The following GSE1 variants were observed in gnomAD, a reference collection of about 807,000 sequenced individuals.
The protein encoded by GSE1 is Gse1 coiled-coil protein, also known as genetic suppressor element 1.
In GSE1, 32 loss-of-function variants were observed where a neutral mutation model predicts 112.6. That is an observed-to-expected ratio of 0.28 (90% CI 0.21 to 0.38). GSE1 has a LOEUF of 0.38. Among genes scored for constraint, GSE1 ranks in the 10% least tolerant of loss-of-function variants. The probability of loss-of-function intolerance (pLI) is 1.00; values close to 1 mark genes in which losing one functional copy is unlikely to be tolerated. For missense variants in GSE1, 2,348 were observed against 1,699.2 expected, an observed-to-expected ratio of 1.38 and a Z score of -6.71; for synonymous variants, 1,115 against 735.6, an observed-to-expected ratio of 1.52 and a Z score of -8.35.
At chr16:85,478,927 C>CTTTCTTTCTTTTCTTTCTT (rs1285190496) in intron 2 of GSE1, among the ~76,000 whole-genome samples, 9 of 28,046 alleles carry the variant, frequency 3.2e-4, no homozygotes, top group African/African-American at 1.2e-3. Context: ...TTCTTTCTTT[C>CTTTCTTTCTTTTCTTTCTT]TCTTTCTTTC....
At chr16:85,260,217 G>C (rs1261015386) in intron 1 of GSE1, among the ~76,000 whole-genome samples, 2 of 152,048 alleles carry the variant, frequency 1.3e-5, no homozygotes, top group Non-Finnish European at 2.9e-5. Context: ...TGACAGTCTA[G>C]TTGCCTCTGG....
intron 1 of GSE1, among the ~76,000 whole-genome samples, chr16:85,245,356 C>T (rs1290753006): frequency 3.3e-5 from 5 of 152,152 alleles, no homozygotes; most frequent in Admixed American, 6.5e-5. Flanking sequence ...GACTTTCTGC[C>T]GGGAGCATGG....
chr16:85,380,194 C>T (rs892289357), intron 2 of GSE1, among the ~76,000 whole-genome samples: 7 of 152,176 alleles, frequency 4.6e-5, no homozygotes, highest in Non-Finnish European at 8.8e-5. Flanking sequence ...GCTCTTATAC[C>T]CCAAGGATTA....
At chr16:85,607,352 T>C (rs2047750229), upstream of GSE1, among the ~76,000 whole-genome samples, 1 of 152,236 alleles carries the variant, frequency 6.6e-6, no homozygotes, top group South Asian at 2.1e-4. Flanking sequence ...GGCTTCCTTT[T>C]ACTCCCTCTC....
intron 1 of GSE1, among the ~76,000 whole-genome samples, chr16:85,616,652 C>T (rs1313165427): frequency 6.6e-6 from 1 of 152,032 alleles, no homozygotes; most frequent in Admixed American, 6.5e-5. Context: ...GACATTTCAG[C>T]TTGGTGGCTG....
At chr16:85,441,035 G>A (rs995210339) in intron 2 of GSE1, among the ~76,000 whole-genome samples, 1 of 152,256 alleles carries the variant, frequency 6.6e-6, no homozygotes, top group Non-Finnish European at 1.5e-5. Context: ...GGAACGAGGG[G>A]CTGGCGGGGA....
chr16:85,359,908 C>G (rs2047028041), intron 2 of GSE1, among the ~76,000 whole-genome samples: 1 of 152,178 alleles, frequency 6.6e-6, no homozygotes, highest in African/African-American at 2.4e-5. Context: ...GTGGCACGCA[C>G]CTGTGGTCCC....
At chr16:85,629,346 A>G (rs537196771) in intron 1 of GSE1, among the ~76,000 whole-genome samples, 5 of 152,362 alleles carry the variant, frequency 3.3e-5, no homozygotes, top group African/African-American at 9.6e-5. Flanking sequence ...TGAAGGCCAC[A>G]GGAGAGAGAA....
intron 3 of GSE1, among the ~76,000 whole-genome samples, chr16:85,652,883 A>G (rs549349936): frequency 6.6e-6 from 1 of 151,924 alleles, no homozygotes; most frequent in African/African-American, 2.4e-5. Context: ...AGGGAGGCAG[A>G]GCGGGGCTGG....
chr16:85,671,694 G>C (rs764456577), intron 15 of GSE1: 1 of 153,530 alleles, frequency 6.5e-6, no homozygotes, highest in Non-Finnish European at 1.5e-5. Flanking sequence ...TAGGGATGCT[G>C]TTTGTAGAAT....
At chr16:85,609,106 T>G (rs2047848013), upstream of GSE1, among the ~76,000 whole-genome samples, 1 of 152,178 alleles carries the variant, frequency 6.6e-6, no homozygotes, top group South Asian at 2.1e-4. Context: ...GTGGCCCAGG[T>G]TGATGCCCAG....
At chr16:85,562,063 C>T (rs2045545497) in intron 1 of GSE1, among the ~76,000 whole-genome samples, 1 of 152,254 alleles carries the variant, frequency 6.6e-6, no homozygotes. Context: ...GCGCCGGAGC[C>T]ACCCAAGACC....
upstream of GSE1, chr16:85,555,804 G>GTT (rs1256578074): frequency 9.1e-5 from 74 of 812,158 alleles, no homozygotes; most frequent in South Asian, 1.7e-4. Context: ...CCTGGGGGCT[G>GTT]TTTTTTTTTT....
chr16:85,191,086 C>T (rs1385302052), intron 1 of GSE1, among the ~76,000 whole-genome samples: 2 of 152,198 alleles, frequency 1.3e-5, no homozygotes, highest in African/African-American at 2.4e-5. Flanking sequence ...TGGTGAAACC[C>T]TGTCTCTACT....
intron 1 of GSE1, among the ~76,000 whole-genome samples, chr16:85,231,437 T>C (rs11646013): frequency 0.26 from 39,582 of 150,534 alleles, 5,322 homozygotes; most frequent in East Asian, 0.41. Context: ...GATGGACAGA[T>C]GAATGGATGG....
intron 2 of GSE1, among the ~76,000 whole-genome samples, chr16:85,439,944 A>G (rs543425030): frequency 1.3e-5 from 2 of 152,328 alleles, no homozygotes; most frequent in East Asian, 3.9e-4. Context: ...ACGCAGAGAC[A>G]CTCAGGTACA....
chr16:85,257,440 A>G (rs926842017), intron 1 of GSE1, among the ~76,000 whole-genome samples: 3 of 152,228 alleles, frequency 2.0e-5, no homozygotes, highest in African/African-American at 7.2e-5. Flanking sequence ...ATATTTCCCC[A>G]GGAGCTCATT....
chr16:85,416,087 A>G (rs1597686534), intron 2 of GSE1, among the ~76,000 whole-genome samples: 1 of 152,132 alleles, frequency 6.6e-6, no homozygotes, highest in African/African-American at 2.4e-5. Context: ...TATAATTTGC[A>G]CCTTTTTATT....
chr16:85,491,528 T>A (rs544579154), intron 2 of GSE1, among the ~76,000 whole-genome samples: 1 of 152,258 alleles, frequency 6.6e-6, no homozygotes, highest in South Asian at 2.1e-4. Context: ...GAAGCTGCCC[T>A]CTGGCAGGGG....
Sources: gnomAD v4.1 joint callset for allele counts (sites outside exome capture counted in the v4.1 genomes callset) on GRCh38, gnomAD v4.1.1 for gene constraint, MANE v1.5 for transcripts, NCBI Gene and HGNC (gene_info 2026-07-23, HGNC 2026-07-21) for gene names.